The following MPDZ variants were observed in gnomAD, a reference collection of about 807,000 sequenced individuals.
MPDZ encodes the protein multiple PDZ domain protein.
MPDZ carries 234 observed loss-of-function variants against 239.1 expected under a neutral mutation model. The observed-to-expected ratio is 0.98, with a 90% CI of 0.88 to 1.09. The LOEUF is 1.09. MPDZ is among the 50% of genes least tolerant of loss of function. MPDZ has a pLI of 0.00. For synonymous variants in MPDZ, 1,048 were observed against 881.3 expected (o/e 1.19, Z -3.35); for missense variants, 3,175 against 2,510.0 (o/e 1.26, Z -5.66).
At chr9:13,244,555 AGT>A (rs1417601881) in intron 3 of MPDZ, among the ~76,000 whole-genome samples, 1 of 152,202 alleles carries the variant, frequency 6.6e-6, no homozygotes, top group African/African-American at 2.4e-5. Flanking sequence ...AATGTGGCAG[AGT>A]TAAACAGAGA....
chr9:13,163,885 T>A (rs959249478), intron 22 of MPDZ, among the ~76,000 whole-genome samples: 6 of 152,188 alleles, frequency 3.9e-5, no homozygotes, highest in Non-Finnish European at 8.8e-5. Flanking sequence ...ATATTGGTTA[T>A]TCTATAGAAA....
intron 24 of MPDZ, among the ~76,000 whole-genome samples, chr9:13,154,312 T>C (rs7859465): frequency 0.47 from 70,852 of 151,916 alleles, 19,607 homozygotes; most frequent in African/African-American, 0.78. Context: ...AATATGTTCA[T>C]TTCAGAGATC....
At chr9:13,145,411 C>G (rs1948304128) in intron 26 of MPDZ, among the ~76,000 whole-genome samples, 1 of 151,938 alleles carries the variant, frequency 6.6e-6, no homozygotes, top group Non-Finnish European at 1.5e-5. Flanking sequence ...CTGGAAATTT[C>G]TGATTCTTGA....
chr9:13,109,087 T>A (rs1941977937), intron 45 of MPDZ, 28 bp from the exon 46 acceptor site: 2 of 1,363,752 alleles, frequency 1.5e-6, no homozygotes, highest in Non-Finnish European at 9.5e-7. Flanking sequence ...AAAAAGAGGT[T>A]TTAAATTAAA....
intron 1 of MPDZ, among the ~76,000 whole-genome samples, chr9:13,260,429 A>C (rs116128762): frequency 0.019 from 2,871 of 152,266 alleles, 95 homozygotes; most frequent in African/African-American, 0.065. Context: ...ATGGATGGTA[A>C]TACTACAAGG....
At chr9:13,125,158 C>G in intron 35 of MPDZ, 58 bp downstream of exon 35, 1 of 1,446,728 alleles carries the variant, frequency 6.9e-7, no homozygotes, top group South Asian at 1.6e-5. Flanking sequence ...AGCAGAAACC[C>G]TCTGCTGAGT....
chr9:13,190,018 GA>G (rs765354067), intron 16 of MPDZ, 95 bp downstream of exon 16: 14 of 1,123,898 alleles, frequency 1.2e-5, no homozygotes, highest in Non-Finnish European at 1.7e-5. Context: ...CTAGAAAAAA[GA>G]AAACATCTTT....
At chr9:13,112,945 AG>A in intron 42 of MPDZ, 65 bp downstream of exon 42, 1 of 1,410,416 alleles carries the variant, frequency 7.1e-7, no homozygotes, top group Non-Finnish European at 9.8e-7. Flanking sequence ...AAAGTTAACA[AG>A]AAAACACATA....
chr9:13,189,054 G>T, intron 16 of MPDZ, 61 bp from the exon 17 acceptor site: 1 of 1,450,622 alleles, frequency 6.9e-7, no homozygotes. Context: ...TCTACAGGTC[G>T]TCCACTCTAA....
In MPDZ at chr9:13,250,155, C is replaced by G; in HGVS notation, c.16+145G>C. 12 of 637,842 alleles carry G rather than the reference C, an allele frequency of 1.9e-5. No individual in the cohort carries two copies. In the South Asian group the frequency reaches 2.9e-4, roughly 16 times the overall value. The allele number at this position is 637,842 out of a possible 1,614,324, so 39.5% of individuals were successfully genotyped here. On this transcript the variant is annotated intron_variant, in intron 2 of 46. Coordinates refer to ENST00000319217, the MANE Select transcript of MPDZ (RefSeq NM_001378778.1). The stretch of plus-strand genomic sequence containing the variant: ...TTGTCCAAATACAGAAACATATTAC[C>G]TTAATACAATGCTAGTAGGTAAAAA...
Position 13,126,579 on chromosome 9 carries a change from G to C in MPDZ, c.4569C>G (p.Leu1523=). The C allele has an allele frequency of 6.3e-7, 1 of 1,599,416 alleles. No individual in the cohort carries two copies. The highest frequency in any genetic ancestry group is 1.1e-5 in the South Asian group (1 of 88,944). The change falls in exon 34 of 47, where the codon CTC becomes CTG. Residue 1523 remains leucine (L), a synonymous_variant. Coordinates refer to ENST00000319217, the MANE Select transcript of MPDZ (RefSeq NM_001378778.1). ...CAGCCAGTATCTGATCTCCGACTTT[G>C]AGTCGTCCATCCTAAATGGAAACGT... ...EHGVAATDGR[L]KVGDQILAVD...
At chr9:13,160,830 TTATATATATATATATATATATATATA>T (rs58374268) in intron 23 of MPDZ, among the ~76,000 whole-genome samples, 11 of 37,978 alleles carry the variant, frequency 2.9e-4, no homozygotes, top group East Asian at 2.0e-3. Flanking sequence ...ATTATTAAAA[TTATATATATATATATATATATATATA>T]TATATATATA....
In MPDZ at chr9:13,140,030, G is replaced by C; in HGVS notation, c.3960C>G (p.Ile1320Met). 1 of 1,613,244 alleles carries C rather than the reference G, an allele frequency of 6.2e-7. No homozygotes were observed. The highest frequency in any genetic ancestry group is 8.5e-7 in the Non-Finnish European group (1 of 1,179,606). ...SDHTQSSASK[I>M]SQDVDKEDEF... ...CATCCTCTTTGTCCACATCTTGTGA[G>C]ATTTTGCTTGCAGATGACTGTGTGT... Residue 1320 changes from isoleucine to methionine, a missense_variant, in exon 28 of 47, where the codon ATC becomes ATG. By Grantham distance (10) the Ile-to-Met change is conservative. Transcript: ENST00000319217.
chr9:13,172,087 G>T (rs547559356), intron 21 of MPDZ, among the ~76,000 whole-genome samples: 1 of 151,978 alleles, frequency 6.6e-6, no homozygotes, highest in African/African-American at 2.4e-5. Flanking sequence ...TTAGTTATTC[G>T]AAGTGCTATA....
intron 22 of MPDZ, chr9:13,165,225 CA>C (rs1419544878): frequency 1.2e-6 from 1 of 813,872 alleles, no homozygotes; most frequent in African/African-American, 1.7e-5. Context: ...CTTACTTAAA[CA>C]AAGAAAACAA....
At chr9:13,172,227 G>A in intron 21 of MPDZ, among the ~76,000 whole-genome samples, 2 of 152,106 alleles carry the variant, frequency 1.3e-5, no homozygotes, top group South Asian at 4.2e-4. Context: ...AAATCAAAAC[G>A]CCAGGGAGAA....
At chr9:13,152,503 C>T (rs1949306822) in intron 24 of MPDZ, among the ~76,000 whole-genome samples, 1 of 152,058 alleles carries the variant, frequency 6.6e-6, no homozygotes, top group Non-Finnish European at 1.5e-5. Context: ...TCTTGTCTGC[C>T]ACCATGTGAG....
At chr9:13,167,564 T>C (rs1043190240) in intron 22 of MPDZ, among the ~76,000 whole-genome samples, 1 of 152,090 alleles carries the variant, frequency 6.6e-6, no homozygotes, top group African/African-American at 2.4e-5. Context: ...AAGTCCCCCA[T>C]ACTAGTAATC....
At chr9:13,138,691 G>A (rs1407373493) in intron 28 of MPDZ, among the ~76,000 whole-genome samples, 1 of 152,126 alleles carries the variant, frequency 6.6e-6, no homozygotes, top group Non-Finnish European at 1.5e-5. Context: ...TGGGACACAC[G>A]TCCTAATGAG....
Sources: allele counts gnomAD v4.1 joint callset (sites outside exome capture counted in the v4.1 genomes callset), GRCh38; gene constraint gnomAD v4.1.1; transcripts MANE v1.5; gene names NCBI Gene and HGNC (gene_info 2026-07-23, HGNC 2026-07-21).